SLCO3A1: variants seen among roughly 807,000 people sequenced by gnomAD.
The protein encoded by SLCO3A1 is solute carrier organic anion transporter family member 3A1.
In SLCO3A1, 27 loss-of-function variants were observed where a neutral mutation model predicts 63.1. The ratio of observed to expected loss-of-function variants is 0.43; its 90% CI spans 0.32 to 0.59. The LOEUF (loss-of-function observed/expected upper bound fraction) is 0.59. Ranked by LOEUF, SLCO3A1 falls within the 20% of genes least tolerant of loss-of-function variation. The pLI, the probability that SLCO3A1 is intolerant of heterozygous loss-of-function variation, is 0.09. For missense variants in SLCO3A1, 773 were observed against 945.8 expected, an observed-to-expected ratio of 0.82 and a Z score of 2.40; for synonymous variants, 473 against 409.9, an observed-to-expected ratio of 1.15 and a Z score of -1.86.
In SLCO3A1 at chr15:92,037,126, C is replaced by T. The variant is rs150073073; in HGVS notation, c.647-57755C>T. Among the ~76,000 whole-genome samples the T allele has an allele frequency of 8.9e-4, 136 of 152,274 alleles. 1 individual carries two copies. The highest frequency in any genetic ancestry group is 3.3e-3 in the African/African-American group (135 of 41,538). On this transcript the variant is annotated intron_variant, in intron 2 of 9. Coordinates refer to ENST00000318445, the MANE Select transcript of SLCO3A1 (RefSeq NM_013272.4). ...GGGATGGTCAGTTGTATTCTATAAG[C>T]CCCCTAACAGGTTTGATTCTCCATA...
intron 9 of SLCO3A1, chr15:92,162,438 C>A (rs1222538301): frequency 8.1e-6 from 2 of 246,030 alleles, no homozygotes; most frequent in South Asian, 1.7e-4. Flanking sequence ...GTGTGAGCCA[C>A]CATGCCAGAC....
rs763458846 is a variant in SLCO3A1 at position 91,900,718 on chromosome 15, T to C, written c.181-15275T>C. On this transcript the variant is annotated intron_variant, in intron 1 of 9. Coordinates refer to ENST00000318445, the MANE Select transcript of SLCO3A1 (RefSeq NM_013272.4). The surrounding 1 kb of genome is among the most constrained non-coding windows in gnomAD (Gnocchi z 4.3). ...TTTGCATTTCCCTAAAGACTAATAA[T>C]GCTAAGCATCTTTTCAAATGCTTAT... Among the ~76,000 whole-genome samples, 10 of 152,268 alleles carry C rather than the reference T, an allele frequency of 6.6e-5. No individual in the cohort carries two copies. The highest frequency in any genetic ancestry group is 1.5e-4 in the Non-Finnish European group (10 of 68,046).
chr15:91,854,382 C>T lies in SLCO3A1; in HGVS notation c.180+294C>T, dbSNP rs1447656327. ...CGGGCAGGTGGGCGTGAAACTATTC[C>T]TCTCCCCCCATAAGAGCGGAGCGAG... is the stretch of plus-strand genomic sequence containing the variant. On this transcript the variant is annotated intron_variant, in intron 1 of 9. Coordinates refer to ENST00000318445, the MANE Select transcript of SLCO3A1 (RefSeq NM_013272.4). The surrounding 1 kb of genome is among the most constrained non-coding windows in gnomAD (Gnocchi z 6.4). The T allele has an allele frequency of 9.3e-7, 1 of 1,071,192 alleles. No individual in the cohort carries two copies. The highest frequency in any genetic ancestry group is 4.5e-5 in the South Asian group (1 of 22,202). 66.4% of individuals were successfully genotyped at this position (1,071,192 alleles called of 1,614,324 possible).
rs1207981460 is a variant in SLCO3A1, at chr15:91,856,403, G to C, written c.180+2315G>C. Reference sequence around the variant, plus strand: ...CATCGGAGCCTCATGAAAATAAATAGTTGGCTTGTCAGGGTTGACTGACGC... The same window carrying C: ...CATCGGAGCCTCATGAAAATAAATACTTGGCTTGTCAGGGTTGACTGACGC... On this transcript the variant is annotated intron_variant, in intron 1 of 9. Transcript: ENST00000318445. This position sits in a 1 kb window ranked among gnomAD's most constrained non-coding sequence, Gnocchi z 4.9. Among the ~76,000 whole-genome samples the C allele has an allele frequency of 2.0e-5, 3 of 152,186 alleles. No homozygotes were observed. Among genetic ancestry groups the C allele is most frequent in the Non-Finnish European group, 2.9e-5 (2 of 68,032 alleles).
At chr15:91,978,460 C>T (rs180727725) in intron 2 of SLCO3A1, among the ~76,000 whole-genome samples, 149 of 152,286 alleles carry the variant, frequency 9.8e-4, no homozygotes, top group Non-Finnish European at 1.8e-3. Flanking sequence ...ATTACCCAAG[C>T]CACCAACTCA....
Position 92,163,055 on chromosome 15 carries a change from G to T in SLCO3A1, c.2053G>T (p.Ala685Ser). 6.3e-7 allele frequency: 1 copy of T among 1,576,038 alleles called. No homozygotes were observed. The highest frequency in any genetic ancestry group is 8.6e-7 in the Non-Finnish European group (1 of 1,162,090). Reference sequence around the variant, plus strand: ...CAACCTGGGGAGGGACCCTGTGCCCGCAAACCAGACACATAGGACAAAGTT... The same window carrying T: ...CAACCTGGGGAGGGACCCTGTGCCCTCAAACCAGACACATAGGACAAAGTT... ...LDNLGRDPVP[A>S]NQTHRTKFIY... Residue 685 changes from alanine (A) to serine (S), a missense_variant, in exon 10 of 10, where the codon GCA becomes TCA. Ala to Ser is a moderately conservative substitution (Grantham distance 99). This residue lies in a region of SLCO3A1 where 139 missense variants were observed against 131.4 expected (regional missense o/e 1.06). Transcript: ENST00000318445.
intron 7 of SLCO3A1, among the ~76,000 whole-genome samples, chr15:92,130,164 T>A (rs2047975127): frequency 6.6e-6 from 1 of 152,294 alleles, no homozygotes; most frequent in Middle Eastern, 3.4e-3. Context: ...ACCAAAAAAA[T>A]TATCTTAAAA....
intron 4 of SLCO3A1, among the ~76,000 whole-genome samples, chr15:92,114,837 T>C (rs1015389251): frequency 6.6e-6 from 1 of 152,134 alleles, no homozygotes; most frequent in Admixed American, 6.5e-5. Context: ...AGGCTGACCT[T>C]AGTTCAAATC....
intron 1 of SLCO3A1, among the ~76,000 whole-genome samples, chr15:91,866,124 C>A (rs1307091090): frequency 6.6e-6 from 1 of 152,092 alleles, no homozygotes; most frequent in African/African-American, 2.4e-5. Context: ...TTGGATGATT[C>A]GTTAGCTTCA....
chr15:92,106,471 G>A (rs1319744060), intron 4 of SLCO3A1, among the ~76,000 whole-genome samples: 1 of 152,122 alleles, frequency 6.6e-6, no homozygotes, highest in Non-Finnish European at 1.5e-5. Flanking sequence ...AAGTGTCCTG[G>A]TAACTAGACC....
chr15:91,900,669 G>A lies in SLCO3A1; in HGVS notation c.181-15324G>A, dbSNP rs1478877905. Among the ~76,000 whole-genome samples, 1 of 152,196 alleles carries A rather than the reference G, an allele frequency of 6.6e-6. No homozygotes were observed. Among genetic ancestry groups the A allele is most frequent in the African/African-American group, 2.4e-5 (1 of 41,440 alleles). On this transcript the variant is annotated intron_variant, in intron 1 of 9. Transcript: ENST00000318445. The surrounding 1 kb of genome is among the most constrained non-coding windows in gnomAD (Gnocchi z 4.3). ...TTATACACATTCTACTGGGTGGGTA[G>A]TGGTATCTCATTGTGACATTTTATT...
rs561525564 is a variant in SLCO3A1, at chr15:92,066,146, A to G, written c.647-28735A>G. 2.6e-4 allele frequency among the ~76,000 whole-genome samples: 39 copies of G among 152,346 alleles called. 2 individuals are homozygous for G. In the South Asian group the frequency reaches 8.1e-3, roughly 32 times the overall value. On this transcript the variant is annotated intron_variant, in intron 2 of 9. Transcript: ENST00000318445. Reference sequence around the variant, plus strand: ...GGAGAAGAAATTCCAAACAGCCTCCAAGCATTAACCTGCTGCATCCCTCTT... The same window carrying G: ...GGAGAAGAAATTCCAAACAGCCTCCGAGCATTAACCTGCTGCATCCCTCTT...
chr15:92,039,881 G>C (rs2046776424), intron 2 of SLCO3A1, among the ~76,000 whole-genome samples: 1 of 152,000 alleles, frequency 6.6e-6, no homozygotes, highest in Non-Finnish European at 1.5e-5. Flanking sequence ...ATACCATACA[G>C]CCATAAAAAG....
At chr15:92,133,578 C>T (rs1183662817) in intron 7 of SLCO3A1, among the ~76,000 whole-genome samples, 2 of 145,082 alleles carry the variant, frequency 1.4e-5, no homozygotes, top group East Asian at 3.9e-4. Flanking sequence ...TCAGCAGTGG[C>T]ATTGGATTCT....
chr15:92,031,442 G>A (rs536342976), intron 2 of SLCO3A1, among the ~76,000 whole-genome samples: 8 of 152,318 alleles, frequency 5.3e-5, no homozygotes, highest in Non-Finnish European at 1.0e-4. Flanking sequence ...AAATAAGAGG[G>A]CTGAGTTTGC....
chr15:91,958,081 A>T (rs147615688), intron 2 of SLCO3A1, among the ~76,000 whole-genome samples: 185 of 152,330 alleles, frequency 1.2e-3, no homozygotes, highest in African/African-American at 4.3e-3. Flanking sequence ...AATTTGAGAA[A>T]ACTTGCAGAT....
intron 2 of SLCO3A1, among the ~76,000 whole-genome samples, chr15:91,955,593 A>C (rs1325554570): frequency 6.6e-6 from 1 of 152,168 alleles, no homozygotes; most frequent in African/African-American, 2.4e-5. Flanking sequence ...CAGCCTACCA[A>C]AGTGCTGGGA....
intron 2 of SLCO3A1, among the ~76,000 whole-genome samples, chr15:92,076,719 G>A (rs2151519543): frequency 6.6e-6 from 1 of 152,324 alleles, no homozygotes; most frequent in South Asian, 2.1e-4. Flanking sequence ...CTCGGAGGGA[G>A]GCCCTGAGCC....
intron 2 of SLCO3A1, among the ~76,000 whole-genome samples, chr15:92,032,485 G>T (rs886687948): frequency 1.3e-5 from 2 of 152,180 alleles, no homozygotes; most frequent in Admixed American, 6.5e-5. Context: ...CATAGAGTCA[G>T]TGCAGGGGTG....
Sources: allele counts gnomAD v4.1 joint callset (sites outside exome capture counted in the v4.1 genomes callset), GRCh38; gene constraint gnomAD v4.1.1; regional missense constraint gnomAD v4.1.1; non-coding constraint Gnocchi (gnomAD v3.1); transcripts MANE v1.5; gene names NCBI Gene and HGNC (gene_info 2026-07-23, HGNC 2026-07-21).